Variants in CAMK1D observed in about 807,000 individuals in gnomAD.
CAMK1D encodes calcium/calmodulin dependent protein kinase ID.
In CAMK1D, 9 loss-of-function variants were observed where a neutral mutation model predicts 47.7. The ratio of observed to expected loss-of-function variants is 0.19; its 90% CI spans 0.11 to 0.33. The LOEUF (loss-of-function observed/expected upper bound fraction) is 0.33. CAMK1D is among the 10% of genes least tolerant of loss of function. The pLI is 1.00. For synonymous variants in CAMK1D, 184 were observed against 184.9 expected, an observed-to-expected ratio of 0.99 and a Z score of 0.04; for missense variants, 291 against 488.7, an observed-to-expected ratio of 0.60 and a Z score of 3.81.
chr10:12,635,915 A>G (rs966038367), intron 2 of CAMK1D, among the ~76,000 whole-genome samples: 2 of 152,246 alleles, frequency 1.3e-5, no homozygotes, highest in Non-Finnish European at 2.9e-5. Flanking sequence ...ACAATTCACT[A>G]GGCTTGCAAG....
intron 2 of CAMK1D, among the ~76,000 whole-genome samples, chr10:12,564,190 A>G (rs1837052995): frequency 1.3e-5 from 2 of 148,872 alleles, no homozygotes; most frequent in African/African-American, 5.0e-5. Context: ...TCATAGGCTA[A>G]TATTTTTAAA....
intron 2 of CAMK1D, 146 bp from the exon 3 acceptor site, chr10:12,666,590 T>G (rs1840438209): frequency 1.5e-5 from 10 of 655,720 alleles, no homozygotes; most frequent in Non-Finnish European, 2.7e-5. Context: ...CTGGAAAAAG[T>G]CTGGGGACAA....
At chr10:12,611,394 C>T (rs1028118500) in intron 2 of CAMK1D, among the ~76,000 whole-genome samples, 1 of 152,030 alleles carries the variant, frequency 6.6e-6, no homozygotes, top group African/African-American at 2.4e-5. Context: ...CCTCTACCCT[C>T]GCCTGGTTTC....
At chr10:12,363,187 C>T (rs1046076505) in intron 1 of CAMK1D, among the ~76,000 whole-genome samples, 5 of 151,726 alleles carry the variant, frequency 3.3e-5, no homozygotes, top group Admixed American at 6.6e-5. Context: ...ATGATCCGCC[C>T]GCCTCGGCCT....
chr10:12,686,252 G>C (rs370881284), intron 3 of CAMK1D, among the ~76,000 whole-genome samples: 3 of 152,152 alleles, frequency 2.0e-5, no homozygotes, highest in African/African-American at 4.8e-5. Flanking sequence ...GATATGGAAC[G>C]ATTGCGAAGA....
intron 1 of CAMK1D, among the ~76,000 whole-genome samples, chr10:12,515,827 G>T (rs1303081523): frequency 6.6e-6 from 1 of 151,822 alleles, no homozygotes; most frequent in Non-Finnish European, 1.5e-5. Flanking sequence ...TAGCCAGGAT[G>T]GTCTCGCTCT....
chr10:12,586,453 G>GA (rs201388483), intron 2 of CAMK1D, among the ~76,000 whole-genome samples: 51,490 of 111,508 alleles, frequency 0.46, 12,560 homozygotes, highest in Non-Finnish European at 0.58. Context: ...CCTCTCAAAA[G>GA]AAAAAAAAAA....
intron 6 of CAMK1D, among the ~76,000 whole-genome samples, chr10:12,792,456 C>G (rs1487650669): frequency 6.6e-6 from 1 of 152,166 alleles, no homozygotes; most frequent in Non-Finnish European, 1.5e-5. Context: ...TTCATCACCC[C>G]CAAGGAGAAA....
chr10:12,481,701 G>A (rs1435136332), intron 1 of CAMK1D, among the ~76,000 whole-genome samples: 7 of 152,120 alleles, frequency 4.6e-5, no homozygotes, highest in Non-Finnish European at 8.8e-5. Context: ...GTAGAGACGG[G>A]GTTTCACCAT....
intron 3 of CAMK1D, among the ~76,000 whole-genome samples, chr10:12,689,464 A>T (rs1832787484): frequency 6.6e-6 from 1 of 152,182 alleles, no homozygotes. Flanking sequence ...TGGTTTTCTC[A>T]CAAGAGTAGA....
chr10:12,591,456 C>T (rs1157394496), intron 2 of CAMK1D, among the ~76,000 whole-genome samples: 1 of 152,228 alleles, frequency 6.6e-6, no homozygotes, highest in Non-Finnish European at 1.5e-5. Flanking sequence ...TTCCCTTCTT[C>T]CACTAAAAAG....
chr10:12,642,305 C>T (rs1839689678), intron 2 of CAMK1D, among the ~76,000 whole-genome samples: 1 of 152,170 alleles, frequency 6.6e-6, no homozygotes, highest in Non-Finnish European at 1.5e-5. Flanking sequence ...CCAGCACTTT[C>T]AGGGCCTGGC....
At chr10:12,732,740 G>T (rs1471042394) in intron 3 of CAMK1D, among the ~76,000 whole-genome samples, 1 of 135,900 alleles carries the variant, frequency 7.4e-6, no homozygotes, top group Non-Finnish European at 1.5e-5. Flanking sequence ...TTGAGATTTG[G>T]GTGGGGACAC....
intron 1 of CAMK1D, among the ~76,000 whole-genome samples, chr10:12,442,263 C>T (rs921323617): frequency 1.3e-5 from 2 of 152,180 alleles, no homozygotes; most frequent in Non-Finnish European, 1.5e-5. Context: ...AGGCGGATCA[C>T]GAGTTCAGGA....
chr10:12,503,566 G>A (rs1834772505), intron 1 of CAMK1D, among the ~76,000 whole-genome samples: 1 of 152,232 alleles, frequency 6.6e-6, no homozygotes, highest in South Asian at 2.1e-4. Flanking sequence ...CGGGACGTTT[G>A]TGAGTGGAGA....
intron 1 of CAMK1D, among the ~76,000 whole-genome samples, chr10:12,376,162 CAAAAAAAA>C (rs59804213): frequency 1.7e-4 from 10 of 59,990 alleles, no homozygotes; most frequent in Non-Finnish European, 1.1e-4. Flanking sequence ...GACTCTGTCC[CAAAAAAAA>C]AAAAAAAAAA....
intron 6 of CAMK1D, among the ~76,000 whole-genome samples, chr10:12,793,500 A>G (rs1185719759): frequency 6.6e-6 from 1 of 152,252 alleles, no homozygotes; most frequent in African/African-American, 2.4e-5. Context: ...TCAGGCTGCT[A>G]CAACAAAATG....
In CAMK1D at chr10:12,830,754, C is replaced by T. The variant is rs971590211; in HGVS notation, c.*1867C>T. On this transcript the variant is annotated 3_prime_UTR_variant, in exon 11 of 11. Coordinates refer to ENST00000619168, the MANE Select transcript of CAMK1D (RefSeq NM_153498.4). ...ATGCCTCGAGCCCACGGGGGTGTCCCGGCAGGTCTGCGTCATCACGACCCA... is the reference window on the plus strand; with the variant it reads ...ATGCCTCGAGCCCACGGGGGTGTCCTGGCAGGTCTGCGTCATCACGACCCA... 2.7e-5 allele frequency: 4 copies of T among 149,418 alleles called. No homozygotes were observed. Among genetic ancestry groups the T allele is most frequent in the South Asian group, 2.1e-4 (1 of 4,668 alleles). 9.3% of individuals were successfully genotyped at this position (149,418 alleles called of 1,614,324 possible). A position where few individuals can be genotyped will look rare whatever the true frequency, so the allele number is the denominator to read the frequency against.
At chr10:12,492,801 C>T (rs1564371317) in intron 1 of CAMK1D, among the ~76,000 whole-genome samples, 2 of 152,202 alleles carry the variant, frequency 1.3e-5, no homozygotes, top group Non-Finnish European at 2.9e-5. Flanking sequence ...GTGTGAGCCT[C>T]CAGGCTGGTA....
Sources: allele counts gnomAD v4.1 joint callset (sites outside exome capture counted in the v4.1 genomes callset), GRCh38; gene constraint gnomAD v4.1.1; transcripts MANE v1.5; gene names NCBI Gene and HGNC (gene_info 2026-07-23, HGNC 2026-07-21).